Variants in PRR16 observed in about 807,000 individuals in gnomAD.
PRR16 encodes the protein proline rich 16.
A neutral mutation model predicts 18.2 loss-of-function variants in PRR16; 6 were observed. That is an observed-to-expected ratio of 0.33 (90% CI 0.18 to 0.65). PRR16 has a LOEUF of 0.65. Ranked by LOEUF, PRR16 falls within the 30% of genes least tolerant of loss-of-function variation. The pLI, the probability that PRR16 is intolerant of heterozygous loss-of-function variation, is 0.74. For missense variants in PRR16, 412 were observed against 376.6 expected (o/e 1.09, Z -0.78); for synonymous variants, 151 against 147.8 (o/e 1.02, Z -0.16).
intron 1 of PRR16, among the ~76,000 whole-genome samples, chr5:120,578,633 T>G (rs1417665112): frequency 6.6e-6 from 1 of 152,220 alleles, no homozygotes; most frequent in African/African-American, 2.4e-5. Flanking sequence ...ACATTTTCTT[T>G]ATCCAGTCTA....
the PRR16 span, among the ~76,000 whole-genome samples, chr5:120,719,908 AT>A: frequency 6.6e-6 from 1 of 151,972 alleles, no homozygotes; most frequent in African/African-American, 2.4e-5. Flanking sequence ...ATTGTATAAC[AT>A]TTATCTAAAA....
intron 1 of PRR16, 49 bp downstream of exon 1, chr5:120,464,694 C>G (rs1308303634): frequency 3.4e-6 from 5 of 1,460,042 alleles, no homozygotes; most frequent in Non-Finnish European, 4.5e-6. Context: ...TCGACCCCTC[C>G]GGGGTCCCCT....
At chr5:120,618,172 T>G (rs1479330052) in intron 1 of PRR16, among the ~76,000 whole-genome samples, 1 of 152,114 alleles carries the variant, frequency 6.6e-6, no homozygotes, top group Non-Finnish European at 1.5e-5. Context: ...ATCTGTTATA[T>G]CTAAAATCAA....
chr5:120,703,132 G>A, the PRR16 span, among the ~76,000 whole-genome samples: 1 of 152,102 alleles, frequency 6.6e-6, no homozygotes, highest in Non-Finnish European at 1.5e-5. Flanking sequence ...CAGTCAAAGG[G>A]GGTTTGTTCT....
chr5:120,669,697 G>T (rs988677063), intron 1 of PRR16, among the ~76,000 whole-genome samples: 4 of 151,844 alleles, frequency 2.6e-5, no homozygotes, highest in Non-Finnish European at 4.4e-5. Flanking sequence ...TAATTTAAAC[G>T]TCACAATTGT....
intron 1 of PRR16, among the ~76,000 whole-genome samples, chr5:120,562,165 T>C (rs1406312493): frequency 6.6e-6 from 1 of 152,138 alleles, no homozygotes; most frequent in Admixed American, 6.5e-5. Flanking sequence ...TGTTCCAGTG[T>C]TGGGTGGATA....
At chr5:120,497,811 CATT>C (rs1750308706) in intron 1 of PRR16, among the ~76,000 whole-genome samples, 1 of 151,194 alleles carries the variant, frequency 6.6e-6, no homozygotes, top group Admixed American at 6.6e-5. Flanking sequence ...ATATACATAA[CATT>C]ATATATATTT....
At chr5:120,496,044 A>G (rs539072721) in intron 1 of PRR16, among the ~76,000 whole-genome samples, 2 of 152,002 alleles carry the variant, frequency 1.3e-5, no homozygotes, top group South Asian at 4.1e-4. Context: ...AATTTTCACA[A>G]ATATTTTCAC....
chr5:120,701,065 T>G, the PRR16 span, among the ~76,000 whole-genome samples: 4 of 152,272 alleles, frequency 2.6e-5, no homozygotes, highest in South Asian at 6.2e-4. Flanking sequence ...CAAGCTCCTG[T>G]GGGAGGAGGT....
Position 120,677,281 on chromosome 5 carries a change from T to C in PRR16, c.160-8673T>C, listed in dbSNP as rs553545190. 1.8e-4 allele frequency among the ~76,000 whole-genome samples: 28 copies of C among 152,298 alleles called. No individual in the cohort carries two copies. The East Asian group carries it at 5.2e-3, about 28-fold the overall frequency. ...GCCCTACTGTGTCCTTGCTGGAATA[T>C]CCTCACTGTTGACTTCACTACTTCC... On this transcript the variant is annotated intron_variant, in intron 1 of 1. Transcript: ENST00000407149.
At chr5:120,624,761 C>T (rs1044651458) in intron 1 of PRR16, among the ~76,000 whole-genome samples, 1 of 152,110 alleles carries the variant, frequency 6.6e-6, no homozygotes, top group Non-Finnish European at 1.5e-5. Flanking sequence ...TGGTATGGCT[C>T]TGTGTCCCCA....
chr5:120,720,794 T>C, the PRR16 span, among the ~76,000 whole-genome samples: 2 of 148,646 alleles, frequency 1.3e-5, no homozygotes, highest in Non-Finnish European at 2.9e-5. Context: ...AACAGTTTTA[T>C]GATGGATTTA....
the PRR16 span, chr5:120,790,402 A>C: frequency 1.3e-5 from 2 of 152,236 alleles, no homozygotes; most frequent in African/African-American, 4.8e-5. Context: ...GGAAGTTTAA[A>C]GTACAGAGAG....
At chr5:120,615,486 G>A (rs1020963384) in intron 1 of PRR16, among the ~76,000 whole-genome samples, 1 of 147,128 alleles carries the variant, frequency 6.8e-6, no homozygotes, top group African/African-American at 2.5e-5. Flanking sequence ...AGAAAATAGT[G>A]TTTGCCATTT....
the PRR16 span, among the ~76,000 whole-genome samples, chr5:120,760,196 G>A: frequency 6.6e-6 from 1 of 152,092 alleles, no homozygotes; most frequent in Non-Finnish European, 1.5e-5. Flanking sequence ...TGCAGTAAAT[G>A]TACAGATTAG....
chr5:120,656,956 T>C (rs1049386189), intron 1 of PRR16, among the ~76,000 whole-genome samples: 2 of 152,018 alleles, frequency 1.3e-5, no homozygotes, highest in Non-Finnish European at 2.9e-5. Flanking sequence ...TTTTTATTCC[T>C]TGGGGCTTTG....
chr5:120,501,762 C>T (rs763990325), intron 1 of PRR16, among the ~76,000 whole-genome samples: 17 of 151,888 alleles, frequency 1.1e-4, no homozygotes, highest in Non-Finnish European at 2.1e-4. Flanking sequence ...TGAGACCATC[C>T]TGGCTACCAC....
the PRR16 span, among the ~76,000 whole-genome samples, chr5:120,789,498 T>A: frequency 6.6e-6 from 1 of 152,158 alleles, no homozygotes; most frequent in Non-Finnish European, 1.5e-5. Context: ...AATCTGGTAA[T>A]AAGTTTAAAC....
At chr5:120,717,671 C>CAA in the PRR16 span, among the ~76,000 whole-genome samples, 2 of 152,116 alleles carry the variant, frequency 1.3e-5, no homozygotes, top group African/African-American at 4.8e-5. Context: ...CCAATCTGAG[C>CAA]ATTGTGCTAT....
Sources: gnomAD v4.1 joint callset for allele counts (sites outside exome capture counted in the v4.1 genomes callset) on GRCh38, gnomAD v4.1.1 for gene constraint, MANE v1.5 for transcripts, NCBI Gene and HGNC (gene_info 2026-07-23, HGNC 2026-07-21) for gene names.